Variants in USP6NL observed in about 807,000 individuals in gnomAD.
USP6NL encodes the protein USP6 N-terminal like.
A neutral mutation model predicts 61.9 loss-of-function variants in USP6NL; 26 were observed. The ratio of observed to expected loss-of-function variants is 0.42; its 90% CI spans 0.31 to 0.58. The LOEUF (loss-of-function observed/expected upper bound fraction) is 0.58, where lower values mean the gene tolerates loss of function less well. Ranked by LOEUF, USP6NL falls within the 20% of genes least tolerant of loss-of-function variation. The pLI is 0.16. For synonymous variants in USP6NL, 432 were observed against 390.1 expected (o/e 1.11, Z -1.27); for missense variants, 1,114 against 1,034.3 (o/e 1.08, Z -1.06).
At chr10:11,488,463 A>C (rs982771457) in intron 10 of USP6NL, among the ~76,000 whole-genome samples, 2 of 152,216 alleles carry the variant, frequency 1.3e-5, no homozygotes, top group Non-Finnish European at 2.9e-5. Flanking sequence ...TTTGGCAAAA[A>C]CAAGGAAACA....
At chr10:11,583,202 T>TC (rs397725095) in intron 2 of USP6NL, among the ~76,000 whole-genome samples, 93 of 150,908 alleles carry the variant, frequency 6.2e-4, no homozygotes, top group African/African-American at 2.2e-3. Flanking sequence ...TTTTTTTTTT[T>TC]CCCTGAGACG....
intron 8 of USP6NL, among the ~76,000 whole-genome samples, chr10:11,492,330 T>A (rs905267983): frequency 2.6e-5 from 4 of 152,238 alleles, no homozygotes; most frequent in African/African-American, 9.6e-5. Flanking sequence ...AAAACACTGA[T>A]CTAGGTGTCA....
At chr10:11,531,685 C>A (rs1465097280) in intron 2 of USP6NL, among the ~76,000 whole-genome samples, 7 of 146,362 alleles carry the variant, frequency 4.8e-5, no homozygotes, top group Admixed American at 1.4e-4. Context: ...AAAAAAAAAA[C>A]TACATTATCC....
chr10:11,528,500 G>A lies in USP6NL; in HGVS notation c.5-933C>T, dbSNP rs1003020734. Among the ~76,000 whole-genome samples the A allele has an allele frequency of 2.0e-5, 3 of 152,038 alleles. No homozygotes were observed. Among genetic ancestry groups the A allele is most frequent in the African/African-American group, 7.2e-5 (3 of 41,380 alleles). On this transcript the variant is annotated intron_variant, in intron 2 of 14. Transcript: ENST00000609104. This position sits in a 1 kb window ranked among gnomAD's most constrained non-coding sequence, Gnocchi z 4.6. ...CTGCCTTACCACATGACACTCTAAG[G>A]TAGGCATCATTATGAATCCTACACC...
At position 11,575,588 on chromosome 10, in the gene USP6NL, T is replaced by C. The variant is rs1837511029; in HGVS notation, c.4+22043A>G. 6.6e-6 allele frequency among the ~76,000 whole-genome samples: 1 copy of C among 152,248 alleles called. No homozygotes were observed. Among genetic ancestry groups the C allele is most frequent in the South Asian group, 2.1e-4 (1 of 4,836 alleles). The stretch of plus-strand genomic sequence containing the variant: ...TCATAAATTTCAATCATCATCTTCC[T>C]TATCTCACTGGTATTATCACTGGTT... On this transcript the variant is annotated intron_variant, in intron 2 of 14. Coordinates refer to ENST00000609104, the MANE Select transcript of USP6NL (RefSeq NM_014688.5). This position sits in a 1 kb window ranked among gnomAD's most constrained non-coding sequence, Gnocchi z 4.2.
chr10:11,570,876 T>C (rs1459459309), intron 2 of USP6NL, among the ~76,000 whole-genome samples: 1 of 152,188 alleles, frequency 6.6e-6, no homozygotes, highest in Non-Finnish European at 1.5e-5. Flanking sequence ...TGCATAGTTA[T>C]CACTCGCCCC....
At position 11,462,299 on chromosome 10, in the gene USP6NL, T is replaced by C; in HGVS notation, c.*142A>G. ...AGCATCTACGTGGGGCTGAAGACATTTCCCTGTATTCTTACTACTAACAGA... is the reference window on the plus strand; with the variant it reads ...AGCATCTACGTGGGGCTGAAGACATCTCCCTGTATTCTTACTACTAACAGA... On this transcript the variant is annotated 3_prime_UTR_variant, in exon 15 of 15. Coordinates refer to ENST00000609104, the MANE Select transcript of USP6NL (RefSeq NM_014688.5). The C allele has an allele frequency of 1.0e-6, 1 of 1,004,378 alleles. No homozygotes were observed. The highest frequency in any genetic ancestry group is 1.4e-6 in the Non-Finnish European group (1 of 706,420). 62.2% of individuals were successfully genotyped at this position (1,004,378 alleles called of 1,614,324 possible). A position where few individuals can be genotyped will look rare whatever the true frequency, so the allele number is the denominator to read the frequency against.
intron 2 of USP6NL, among the ~76,000 whole-genome samples, chr10:11,541,928 A>G (rs1836081847): frequency 6.6e-6 from 1 of 152,240 alleles, no homozygotes; most frequent in Non-Finnish European, 1.5e-5. Flanking sequence ...TTTCTATAAC[A>G]TAGTACGGTG....
rs945013780 is a variant in USP6NL at position 11,476,100 on chromosome 10, C to T, written c.1078+5670G>A. On this transcript the variant is annotated intron_variant, in intron 14 of 14. Transcript: ENST00000609104. The surrounding 1 kb of genome is among the most constrained non-coding windows in gnomAD (Gnocchi z 4.3). ...AAGAGGGGGGAAGAGGAAAGGTGTA[C>T]TGCTCCCTGTCAAGCGACTTAAGCC... is the stretch of plus-strand genomic sequence containing the variant. Among the ~76,000 whole-genome samples, 2 of 152,196 alleles carry T rather than the reference C, an allele frequency of 1.3e-5. No individual in the cohort carries two copies. The highest frequency in any genetic ancestry group is 2.4e-5 in the African/African-American group (1 of 41,450).
intron 5 of USP6NL, 78 bp from the exon 6 acceptor site, chr10:11,509,753 C>T (rs1834619020): frequency 3.2e-6 from 4 of 1,253,058 alleles, no homozygotes; most frequent in East Asian, 5.1e-5. Context: ...AAAGAAAATG[C>T]TTCTAAAAAA....
chr10:11,463,154 G>A lies in USP6NL; in HGVS notation c.1774C>T (p.Pro592Ser). The change falls in exon 15 of 15, where the codon CCA (proline) becomes TCA (serine). Residue 592 changes from proline (P) to serine (S), a missense_variant. Physicochemically the swap from Pro to Ser is moderately conservative, Grantham distance 74 (BLOSUM62 -1). Coordinates refer to ENST00000609104, the MANE Select transcript of USP6NL (RefSeq NM_014688.5). This position sits in a 1 kb window ranked among gnomAD's most constrained non-coding sequence, Gnocchi z 6.3. ...GATACTTTTGATGGACTAGAACTTGGCTCAGCGTGCTTTCTCGGGCTAGGA... is the reference window on the plus strand; with the variant it reads ...GATACTTTTGATGGACTAGAACTTGACTCAGCGTGCTTTCTCGGGCTAGGA... ...YPPSPRKHAE[P>S]SSSPSKVSNK... The A allele has an allele frequency of 1.9e-6, 3 of 1,613,952 alleles. No individual in the cohort carries two copies. Among genetic ancestry groups the A allele is most frequent in the Non-Finnish European group, 2.5e-6 (3 of 1,179,904 alleles).
chr10:11,509,092 G>C (rs1412629847), intron 6 of USP6NL, among the ~76,000 whole-genome samples: 2 of 152,130 alleles, frequency 1.3e-5, no homozygotes, highest in Non-Finnish European at 2.9e-5. Flanking sequence ...CAAACTCAAC[G>C]CAAGGCAAAA....
In USP6NL at chr10:11,526,838, C is replaced by CA. The variant is rs561408246; in HGVS notation, c.72+661dup. ...CAATAATTGTGATTTTCTATAATAT[C>CA]AAAAAACAGATTCCATACCAACATA... On this transcript the variant is annotated intron_variant, in intron 3 of 14. Coordinates refer to ENST00000609104, the MANE Select transcript of USP6NL (RefSeq NM_014688.5). Among the ~76,000 whole-genome samples the CA allele has an allele frequency of 4.1e-3, 624 of 152,082 alleles. 1 individual carries two copies. Among genetic ancestry groups the CA allele is most frequent in the Non-Finnish European group, 7.6e-3 (518 of 67,972 alleles).
At chr10:11,524,558 AAAAG>A (rs1457164302) in intron 4 of USP6NL, among the ~76,000 whole-genome samples, 1 of 152,202 alleles carries the variant, frequency 6.6e-6, no homozygotes, top group Non-Finnish European at 1.5e-5. Flanking sequence ...GACTCAGAAA[AAAAG>A]AAAAGGAGAA....
intron 7 of USP6NL, among the ~76,000 whole-genome samples, chr10:11,500,613 T>C (rs1010430779): frequency 2.0e-5 from 3 of 152,166 alleles, no homozygotes; most frequent in East Asian, 1.9e-4. Context: ...TAATAAAACC[T>C]AGAGATACCC....
chr10:11,496,842 A>G lies in USP6NL; in HGVS notation c.385-3614T>C, dbSNP rs11257129. On this transcript the variant is annotated intron_variant, in intron 7 of 14. Transcript: ENST00000609104. This position sits in a 1 kb window ranked among gnomAD's most constrained non-coding sequence, Gnocchi z 5.4. ...GTCTAGAATAAGTATGTGTATGTTA[A>G]GTGTTTTATGAGTCTGTGTATTTTT... Among the ~76,000 whole-genome samples, 27,306 of 151,980 alleles carry G rather than the reference A, an allele frequency of 0.18. 2,843 individuals carry two copies. Among genetic ancestry groups the G allele is most frequent in the South Asian group, 0.25 (1,189 of 4,820 alleles).
rs536835752 is a variant in USP6NL, at chr10:11,579,586, T to C, written c.4+18045A>G. Among the ~76,000 whole-genome samples, 8 of 152,296 alleles carry C rather than the reference T, an allele frequency of 5.3e-5. No homozygotes were observed. The South Asian group carries it at 1.5e-3, about 28-fold the overall frequency. On this transcript the variant is annotated intron_variant, in intron 2 of 14. Coordinates refer to ENST00000609104, the MANE Select transcript of USP6NL (RefSeq NM_014688.5). ...CTCTACTCAGATTTTCAAGACCTAA[T>C]TTTTGTTATCTCCTTAAAGAGGTCT...
In USP6NL at chr10:11,537,471, C is replaced by A. The variant is rs1193901816; in HGVS notation, c.5-9904G>T. ...AATCAAAGTGTTCAAAAGAAATAAGCCTAAATGTTCTTCAATTTTAACTTT... is the reference window on the plus strand; with the variant it reads ...AATCAAAGTGTTCAAAAGAAATAAGACTAAATGTTCTTCAATTTTAACTTT... On this transcript the variant is annotated intron_variant, in intron 2 of 14. Transcript: ENST00000609104. The surrounding 1 kb of genome is among the most constrained non-coding windows in gnomAD (Gnocchi z 5.1). Among the ~76,000 whole-genome samples, 1 of 152,094 alleles carries A rather than the reference C, an allele frequency of 6.6e-6. No homozygotes were observed. The highest frequency in any genetic ancestry group is 1.5e-5 in the Non-Finnish European group (1 of 68,016).
At chr10:11,556,355 C>G (rs1040339529) in intron 2 of USP6NL, among the ~76,000 whole-genome samples, 7 of 151,830 alleles carry the variant, frequency 4.6e-5, no homozygotes, top group Admixed American at 4.6e-4. Context: ...CAAAAGATGA[C>G]AAGAAATTAC....
Sources: gnomAD v4.1 joint callset for allele counts (sites outside exome capture counted in the v4.1 genomes callset) on GRCh38, gnomAD v4.1.1 for gene constraint, Gnocchi (gnomAD v3.1) non-coding constraint, MANE v1.5 for transcripts, NCBI Gene and HGNC (gene_info 2026-07-23, HGNC 2026-07-21) for gene names.